CALN1: variants seen among roughly 807,000 people sequenced by gnomAD.
CALN1 encodes calcium-binding protein 8.
Under a neutral mutation model 30.6 loss-of-function variants are expected in CALN1, and 17 were observed. That is an observed-to-expected ratio of 0.56 (90% CI 0.38 to 0.83). CALN1 has a LOEUF of 0.83. CALN1 is among the 40% of genes least tolerant of loss of function. CALN1 has a pLI of 0.00. For missense variants in CALN1, 291 were observed against 354.9 expected, an observed-to-expected ratio of 0.82 and a Z score of 1.45; for synonymous variants, 156 against 131.4, an observed-to-expected ratio of 1.19 and a Z score of -1.28.
chr7:72,155,853 A>G (rs1459222321), intron 3 of CALN1, among the ~76,000 whole-genome samples: 1 of 152,070 alleles, frequency 6.6e-6, no homozygotes, highest in Admixed American at 6.6e-5. Context: ...CAAATAATCC[A>G]TTCCTTGCCT....
chr7:72,305,112 G>C (rs1799561142), intron 2 of CALN1, among the ~76,000 whole-genome samples: 1 of 152,162 alleles, frequency 6.6e-6, no homozygotes, highest in Non-Finnish European at 1.5e-5. Flanking sequence ...AAGGGCCCGT[G>C]TTAACAGCTG....
chr7:72,338,277 A>G (rs1802193723), intron 2 of CALN1, among the ~76,000 whole-genome samples: 1 of 151,998 alleles, frequency 6.6e-6, no homozygotes, highest in Admixed American at 6.5e-5. Flanking sequence ...TTGGTGGCAA[A>G]GACTGCTCAC....
At chr7:72,296,233 A>G (rs1798843600) in intron 2 of CALN1, among the ~76,000 whole-genome samples, 1 of 150,784 alleles carries the variant, frequency 6.6e-6, no homozygotes, top group Admixed American at 6.6e-5. Context: ...ATGGTGGATA[A>G]GCTTTTTGAT....
chr7:71,924,253 A>G (rs1286850388), intron 5 of CALN1, among the ~76,000 whole-genome samples: 3 of 149,846 alleles, frequency 2.0e-5, no homozygotes, highest in African/African-American at 7.3e-5. Context: ...AAAAAAGATT[A>G]GGATTTCAGA....
chr7:71,892,401 C>T (rs1430358626), intron 5 of CALN1, among the ~76,000 whole-genome samples: 2 of 152,158 alleles, frequency 1.3e-5, no homozygotes, highest in Non-Finnish European at 2.9e-5. Context: ...CTTTGGGAGG[C>T]CGAGGTGGGC....
intron 3 of CALN1, among the ~76,000 whole-genome samples, chr7:72,273,663 C>T (rs1797153019): frequency 6.6e-6 from 1 of 151,850 alleles, no homozygotes; most frequent in Non-Finnish European, 1.5e-5. Flanking sequence ...GGACTACAGG[C>T]ATGCACCAAC....
intron 2 of CALN1, among the ~76,000 whole-genome samples, chr7:72,373,467 C>T (rs1804369219): frequency 6.6e-6 from 1 of 152,176 alleles, no homozygotes; most frequent in Non-Finnish European, 1.5e-5. Flanking sequence ...AGAAACCATA[C>T]TTTCAGTACC....
rs1451603148 is a variant in CALN1 at position 72,070,135 on chromosome 7, GA to G, written c.388+36015del. Among the ~76,000 whole-genome samples the G allele has an allele frequency of 2.6e-5, 4 of 152,134 alleles. No individual in the cohort carries two copies. In the East Asian group the frequency reaches 7.7e-4, roughly 29 times the overall value. On this transcript the variant is annotated intron_variant, in intron 4 of 6. Transcript: ENST00000395275. ...TAGGAAAAATCCTTGTCACTGCAAA[GA>G]AAACAGCCTCTCTGTCAAAACTAGT...
intron 2 of CALN1, among the ~76,000 whole-genome samples, chr7:72,398,541 T>C (rs1371201647): frequency 1.3e-5 from 2 of 152,218 alleles, no homozygotes; most frequent in Non-Finnish European, 2.9e-5. Flanking sequence ...AGCCACACCA[T>C]AGTGGTAGGG....
At chr7:72,250,613 C>A (rs923830590) in intron 3 of CALN1, among the ~76,000 whole-genome samples, 3 of 152,012 alleles carry the variant, frequency 2.0e-5, no homozygotes, top group Non-Finnish European at 4.4e-5. Flanking sequence ...TGGGGCGGAT[C>A]CCTCATGAAT....
chr7:72,018,836 T>A (rs992459553), intron 5 of CALN1, among the ~76,000 whole-genome samples: 1 of 113,252 alleles, frequency 8.8e-6, no homozygotes, highest in Admixed American at 7.7e-5. Flanking sequence ...AAAATTATTT[T>A]ATTTATTTAT....
At chr7:72,487,713 A>AAAGAAAGAAAG in the CALN1 span, among the ~76,000 whole-genome samples, 410 of 68,594 alleles carry the variant, frequency 6.0e-3, 19 homozygotes, top group African/African-American at 8.4e-3. Context: ...AAAAGAAAAG[A>AAAGAAAGAAAG]AAAGAAAGAA....
chr7:72,148,550 C>T (rs1786962275), intron 3 of CALN1, among the ~76,000 whole-genome samples: 2 of 152,042 alleles, frequency 1.3e-5, no homozygotes, highest in South Asian at 2.1e-4. Flanking sequence ...AGTGAGCCAT[C>T]ATTGTGCCAC....
chr7:71,804,235 A>G (rs762253978), intron 6 of CALN1, among the ~76,000 whole-genome samples: 15 of 152,218 alleles, frequency 9.9e-5, no homozygotes, highest in Non-Finnish European at 1.8e-4. Flanking sequence ...TGGGCCCGCC[A>G]CAGTGGCTCA....
At chr7:71,937,420 ATATG>A (rs59057805) in intron 5 of CALN1, among the ~76,000 whole-genome samples, 33,265 of 150,566 alleles carry the variant, frequency 0.22, 3,854 homozygotes, top group East Asian at 0.48. Flanking sequence ...ACACATATAA[ATATG>A]TATGTATATG....
rs1584268180 is a variant in CALN1, at chr7:71,810,279, A to T, written c.658+57T>A. On this transcript the variant is annotated intron_variant, in intron 6 of 6. Transcript: ENST00000395275. ...GTGTGAACGCATTTTTCATATAGAG[A>T]GTGTGGTGCATTGGCCTGTCCCGGA... 11 of 1,555,156 alleles carry T rather than the reference A, an allele frequency of 7.1e-6. No homozygotes were observed. In the East Asian group the frequency reaches 2.3e-4, roughly 32 times the overall value.
chr7:72,155,708 A>T (rs1787616363), intron 3 of CALN1, among the ~76,000 whole-genome samples: 1 of 152,144 alleles, frequency 6.6e-6, no homozygotes, highest in Non-Finnish European at 1.5e-5. Flanking sequence ...TTCTGCTGTA[A>T]CAAATTACCC....
chr7:72,209,366 TTCCC>T (rs1792198190), intron 3 of CALN1, among the ~76,000 whole-genome samples: 1 of 16,422 alleles, frequency 6.1e-5, no homozygotes, highest in Non-Finnish European at 9.7e-5. Flanking sequence ...CCCTCTTTCC[TTCCC>T]TCCTTCCCTC....
At chr7:72,475,588 G>A in the CALN1 span, among the ~76,000 whole-genome samples, 1 of 152,218 alleles carries the variant, frequency 6.6e-6, no homozygotes, top group Non-Finnish European at 1.5e-5. Flanking sequence ...CTACCCTAGA[G>A]AGATTTACTT....
Sources: allele counts gnomAD v4.1 joint callset (sites outside exome capture counted in the v4.1 genomes callset), GRCh38; gene constraint gnomAD v4.1.1; transcripts MANE v1.5; gene names NCBI Gene and HGNC (gene_info 2026-07-23, HGNC 2026-07-21).